The following ASAP1 variants were observed in gnomAD, a reference collection of about 807,000 sequenced individuals.
The protein encoded by ASAP1 is ArfGAP with SH3 domain, ankyrin repeat and PH domain 1.
In ASAP1, 43 loss-of-function variants were observed where a neutral mutation model predicts 145.2. The ratio of observed to expected loss-of-function variants is 0.30; its 90% CI spans 0.23 to 0.38. The LOEUF (loss-of-function observed/expected upper bound fraction) is 0.38, where lower values mean the gene tolerates loss of function less well. ASAP1 is among the 10% of genes least tolerant of loss of function. The probability of loss-of-function intolerance (pLI) is 1.00; values close to 1 mark genes in which losing one functional copy is unlikely to be tolerated. For synonymous variants in ASAP1, 546 were observed against 515.5 expected, an observed-to-expected ratio of 1.06 and a Z score of -0.80; for missense variants, 1,018 against 1,355.3, an observed-to-expected ratio of 0.75 and a Z score of 3.91.
intron 1 of ASAP1, among the ~76,000 whole-genome samples, chr8:130,436,758 G>A (rs1276616623): frequency 6.6e-6 from 1 of 152,068 alleles, no homozygotes; most frequent in African/African-American, 2.4e-5. Context: ...CTATATTTGT[G>A]CCACTGCACT....
chr8:130,156,624 A>G (rs1029368735), intron 12 of ASAP1, among the ~76,000 whole-genome samples: 4 of 152,258 alleles, frequency 2.6e-5, no homozygotes, highest in Admixed American at 2.0e-4. Context: ...TTAGAGTGAT[A>G]ACAGCAGCAG....
chr8:130,059,799 C>T (rs1319732707), intron 28 of ASAP1, among the ~76,000 whole-genome samples: 1 of 152,056 alleles, frequency 6.6e-6, no homozygotes, highest in East Asian at 1.9e-4. Context: ...CTCAGGGAGC[C>T]AGGTGCAGTG....
chr8:130,199,169 A>AT (rs1586577261), intron 5 of ASAP1, among the ~76,000 whole-genome samples: 1 of 152,176 alleles, frequency 6.6e-6, no homozygotes, highest in Admixed American at 6.5e-5. Context: ...CTTTACAATT[A>AT]TCCGTGTGTT....
intron 3 of ASAP1, among the ~76,000 whole-genome samples, chr8:130,345,462 T>C (rs769634338): frequency 1.3e-5 from 2 of 152,194 alleles, no homozygotes; most frequent in Non-Finnish European, 2.9e-5. Context: ...TGTCTCTGTA[T>C]GTGTGTTTGT....
At chr8:130,250,151 G>A (rs1565135477) in intron 3 of ASAP1, among the ~76,000 whole-genome samples, 1 of 151,972 alleles carries the variant, frequency 6.6e-6, no homozygotes, top group Non-Finnish European at 1.5e-5. Flanking sequence ...CAGCCATTTC[G>A]GTGTCCCTAT....
chr8:130,102,789 G>C (rs1333901449), intron 24 of ASAP1, among the ~76,000 whole-genome samples: 1 of 152,148 alleles, frequency 6.6e-6, no homozygotes, highest in African/African-American at 2.4e-5. Context: ...GGGCTCAAGT[G>C]ATCATCTTGC....
chr8:130,236,846 C>A, intron 4 of ASAP1, 76 bp downstream of exon 4: 1 of 1,110,118 alleles, frequency 9.0e-7, no homozygotes, highest in South Asian at 1.7e-5. Flanking sequence ...ATAAACTTAA[C>A]ATCTTTTAAA....
intron 1 of ASAP1, among the ~76,000 whole-genome samples, chr8:130,414,517 T>C (rs1829394353): frequency 6.6e-6 from 1 of 152,214 alleles, no homozygotes; most frequent in Non-Finnish European, 1.5e-5. Flanking sequence ...TTTTCTCATC[T>C]GTAAAACTGG....
chr8:130,113,245 CAG>C (rs1564973259), intron 23 of ASAP1, among the ~76,000 whole-genome samples: 1 of 152,202 alleles, frequency 6.6e-6, no homozygotes, highest in Non-Finnish European at 1.5e-5. Flanking sequence ...CCCACCCAGC[CAG>C]GTGAATGCAT....
intron 9 of ASAP1, among the ~76,000 whole-genome samples, chr8:130,169,955 C>T (rs988358895): frequency 6.6e-6 from 1 of 152,156 alleles, no homozygotes; most frequent in Non-Finnish European, 1.5e-5. Context: ...TCTCTGATAT[C>T]AGTTTAGAAA....
intron 13 of ASAP1, 146 bp from the exon 14 acceptor site, chr8:130,137,184 G>C: frequency 1.4e-6 from 1 of 700,314 alleles, no homozygotes; most frequent in Non-Finnish European, 2.5e-6. Context: ...ACAGACATCT[G>C]AGCATTGTTC....
intron 24 of ASAP1, among the ~76,000 whole-genome samples, chr8:130,104,067 T>C (rs180857615): frequency 6.6e-6 from 1 of 152,178 alleles, no homozygotes; most frequent in African/African-American, 2.4e-5. Flanking sequence ...CCAGACTGTG[T>C]GCATCCATAG....
At chr8:130,174,091 CAAAAAAA>C (rs57123447) in intron 9 of ASAP1, among the ~76,000 whole-genome samples, 754 of 62,802 alleles carry the variant, frequency 0.012, 9 homozygotes, top group African/African-American at 0.046. Flanking sequence ...ACTCCGTCTC[CAAAAAAA>C]AAAAAAAAAA....
chr8:130,254,293 G>A (rs897046983), intron 3 of ASAP1, among the ~76,000 whole-genome samples: 3 of 152,164 alleles, frequency 2.0e-5, no homozygotes, highest in Non-Finnish European at 2.9e-5. Flanking sequence ...TCAGGAAAGA[G>A]CATTGTAAAA....
At chr8:130,348,508 C>T (rs1427094622) in intron 3 of ASAP1, among the ~76,000 whole-genome samples, 2 of 152,182 alleles carry the variant, frequency 1.3e-5, no homozygotes, top group African/African-American at 4.8e-5. Context: ...AGCACCATGA[C>T]AGAGGGCTGT....
intron 3 of ASAP1, among the ~76,000 whole-genome samples, chr8:130,244,218 G>GA (rs1307157512): frequency 6.6e-6 from 1 of 152,160 alleles, no homozygotes; most frequent in Non-Finnish European, 1.5e-5. Flanking sequence ...AATGGAAGGT[G>GA]AAAGAATGAA....
chr8:130,230,635 T>C (rs1036022929), intron 4 of ASAP1, among the ~76,000 whole-genome samples: 3 of 147,644 alleles, frequency 2.0e-5, no homozygotes, highest in Non-Finnish European at 4.6e-5. Context: ...AAGAAATCTG[T>C]TTAGATTTTG....
At chr8:130,419,947 T>A (rs1048124585) in intron 1 of ASAP1, among the ~76,000 whole-genome samples, 6 of 138,932 alleles carry the variant, frequency 4.3e-5, no homozygotes, top group Non-Finnish European at 8.2e-5. Context: ...CTGCACCACC[T>A]TCTTCTTCTT....
intron 24 of ASAP1, among the ~76,000 whole-genome samples, chr8:130,111,302 T>A (rs1331467157): frequency 6.9e-6 from 1 of 144,118 alleles, no homozygotes; most frequent in Non-Finnish European, 1.5e-5. Context: ...AGGATCAGGA[T>A]CACTTGAGCC....
Sources: gnomAD v4.1 joint callset for allele counts (sites outside exome capture counted in the v4.1 genomes callset) on GRCh38, gnomAD v4.1.1 for gene constraint, MANE v1.5 for transcripts, NCBI Gene and HGNC (gene_info 2026-07-23, HGNC 2026-07-21) for gene names.